Variants in NR2F1-AS1 observed in about 807,000 individuals in gnomAD.
The protein encoded by NR2F1-AS1 is NR2F1 antisense RNA 1.
intron 4 of NR2F1-AS1, among the ~76,000 whole-genome samples, chr5:93,474,952 C>T (rs1019486089): frequency 1.3e-5 from 2 of 151,960 alleles, no homozygotes; most frequent in East Asian, 1.9e-4. Flanking sequence ...GGTGAAACCC[C>T]GTCTCTACTA....
intron 2 of NR2F1-AS1, among the ~76,000 whole-genome samples, chr5:93,557,845 T>C (rs1028803938): frequency 6.6e-6 from 1 of 152,234 alleles, no homozygotes; most frequent in South Asian, 2.1e-4. Context: ...CTGGAGTCAA[T>C]CCCTTCAAAC....
chr5:93,575,448 C>CAT (rs144794482), intron 1 of NR2F1-AS1, among the ~76,000 whole-genome samples: 2,584 of 152,240 alleles, frequency 0.017, 83 homozygotes, highest in African/African-American at 0.058. Context: ...AATTTGGAGA[C>CAT]GTGTCTATAG....
chr5:93,436,817 C>T (rs1330105379), intron 4 of NR2F1-AS1, among the ~76,000 whole-genome samples: 1 of 151,866 alleles, frequency 6.6e-6, no homozygotes, highest in Admixed American at 6.6e-5. Flanking sequence ...AAAGGATGAA[C>T]ATTAATTATA....
upstream of NR2F1-AS1, among the ~76,000 whole-genome samples, chr5:93,582,066 C>T (rs1319376299): frequency 7.0e-6 from 1 of 141,860 alleles, no homozygotes; most frequent in Non-Finnish European, 1.5e-5. Flanking sequence ...CTTTCCTCTC[C>T]TCTCTCTCTG....
chr5:93,516,353 G>C (rs1212158733), intron 4 of NR2F1-AS1, among the ~76,000 whole-genome samples: 1 of 151,766 alleles, frequency 6.6e-6, no homozygotes, highest in African/African-American at 2.4e-5. Context: ...CCTTTCTGAA[G>C]TGTTCTCACC....
At chr5:93,461,426 A>T (rs962106618) in intron 4 of NR2F1-AS1, among the ~76,000 whole-genome samples, 4 of 152,124 alleles carry the variant, frequency 2.6e-5, no homozygotes, top group Non-Finnish European at 4.4e-5. Context: ...GCAGCAAACC[A>T]CCATGGCACA....
At chr5:93,549,235 A>G (rs1197777110) in intron 4 of NR2F1-AS1, among the ~76,000 whole-genome samples, 1 of 152,208 alleles carries the variant, frequency 6.6e-6, no homozygotes, top group African/African-American at 2.4e-5. Context: ...TTATACAACT[A>G]TGTGTAACAA....
chr5:93,529,673 A>G (rs1183585620), intron 4 of NR2F1-AS1, among the ~76,000 whole-genome samples: 1 of 152,162 alleles, frequency 6.6e-6, no homozygotes, highest in African/African-American at 2.4e-5. Context: ...ATTCAAACCC[A>G]TTATGATACT....
chr5:93,547,982 T>C (rs1752128422), intron 4 of NR2F1-AS1, among the ~76,000 whole-genome samples: 1 of 152,186 alleles, frequency 6.6e-6, no homozygotes, highest in East Asian at 1.9e-4. Flanking sequence ...AGAGAATCAG[T>C]GTCAAGGGTT....
chr5:93,479,219 G>A (rs1463844306), intron 4 of NR2F1-AS1, among the ~76,000 whole-genome samples: 1 of 151,200 alleles, frequency 6.6e-6, no homozygotes, highest in Non-Finnish European at 1.5e-5. Context: ...ACCTTCTCTT[G>A]AAAAAAAAAT....
intron 4 of NR2F1-AS1, among the ~76,000 whole-genome samples, chr5:93,476,034 AGTCT>A (rs1232011668): frequency 6.6e-6 from 1 of 152,198 alleles, no homozygotes; most frequent in Non-Finnish European, 1.5e-5. Context: ...AAAATCATTC[AGTCT>A]GTTTTCTCTT....
At chr5:93,475,867 T>C (rs1750473410) in intron 4 of NR2F1-AS1, among the ~76,000 whole-genome samples, 1 of 152,190 alleles carries the variant, frequency 6.6e-6, no homozygotes. Context: ...TAATTCCACA[T>C]CATTAAATTA....
intron 4 of NR2F1-AS1, among the ~76,000 whole-genome samples, chr5:93,524,999 A>G (rs1317078376): frequency 6.6e-6 from 1 of 152,202 alleles, no homozygotes; most frequent in East Asian, 1.9e-4. Context: ...TCAAATTCAC[A>G]TATAATAACA....
chr5:93,582,959 G>A (rs1753145581), upstream of NR2F1-AS1, among the ~76,000 whole-genome samples: 5 of 151,708 alleles, frequency 3.3e-5, no homozygotes, highest in African/African-American at 1.2e-4. Flanking sequence ...GGGGGGGGGA[G>A]AAAGAAAGCA....
At position 93,482,169 on chromosome 5, in the gene NR2F1-AS1, A is replaced by G. The variant is rs185784729; in HGVS notation, n.638+71592T>C. ...TATCGGGGTGGCTAGCAAGATGGCC[A>G]AATAGGAAAAGCTCTGGTCTACAGC... On this transcript the variant is annotated intron_variant and non_coding_transcript_variant, in intron 4 of 5. Coordinates refer to ENST00000660523, the Ensembl canonical transcript of NR2F1-AS1. Among the ~76,000 whole-genome samples the G allele has an allele frequency of 2.6e-3, 400 of 152,306 alleles. 3 individuals carry two copies. The highest frequency in any genetic ancestry group is 9.1e-3 in the African/African-American group (377 of 41,574).
At chr5:93,558,021 A>G (rs1329107789) in intron 2 of NR2F1-AS1, among the ~76,000 whole-genome samples, 1 of 152,184 alleles carries the variant, frequency 6.6e-6, no homozygotes, top group Non-Finnish European at 1.5e-5. Context: ...ATGTAATTGC[A>G]GCAATTCGGT....
At chr5:93,501,001 T>C (rs554102420) in intron 4 of NR2F1-AS1, among the ~76,000 whole-genome samples, 95 of 152,270 alleles carry the variant, frequency 6.2e-4, no homozygotes, top group African/African-American at 2.1e-3. Flanking sequence ...GCAAAGTCAA[T>C]TGAAAGCCTT....
chr5:93,530,780 A>G (rs1406679929), intron 4 of NR2F1-AS1, among the ~76,000 whole-genome samples: 2 of 152,344 alleles, frequency 1.3e-5, no homozygotes, highest in East Asian at 1.9e-4. Flanking sequence ...AATCCATGAT[A>G]GTTTGGAGCT....
chr5:93,432,983 C>T (rs563586077), intron 4 of NR2F1-AS1, among the ~76,000 whole-genome samples: 1 of 152,316 alleles, frequency 6.6e-6, no homozygotes, highest in Admixed American at 6.5e-5. Flanking sequence ...ATCACTGGCA[C>T]ATTGTGAGCA....
Sources: gnomAD v4.1 joint callset for allele counts (sites outside exome capture counted in the v4.1 genomes callset) on GRCh38, gnomAD v4.1.1 for gene constraint, MANE v1.5 for transcripts, NCBI Gene and HGNC (gene_info 2026-07-23, HGNC 2026-07-21) for gene names.